Variants in FRMD4B observed in about 807,000 individuals in gnomAD.
The protein encoded by FRMD4B is FERM domain containing 4B, also known as FERM domain-containing protein 4B.
In FRMD4B, 74 loss-of-function variants were observed where a neutral mutation model predicts 141.5. The observed-to-expected ratio is 0.52, with a 90% confidence interval of 0.43 to 0.63. FRMD4B has a LOEUF of 0.63. Among genes scored for constraint, FRMD4B ranks in the 30% least tolerant of loss-of-function variants. FRMD4B has a pLI of 0.00. For synonymous variants in FRMD4B, 506 were observed against 467.9 expected (o/e 1.08, Z -1.05); for missense variants, 1,366 against 1,253.4 (o/e 1.09, Z -1.36).
intron 1 of FRMD4B, among the ~76,000 whole-genome samples, chr3:69,363,580 G>A (rs1406996298): frequency 3.3e-5 from 5 of 151,834 alleles, no homozygotes; most frequent in African/African-American, 1.2e-4. Context: ...TAGTAGAGAC[G>A]GAATTTCACC....
intron 1 of FRMD4B, chr3:69,536,415 A>G (rs2107170083): frequency 1.4e-6 from 1 of 713,970 alleles, no homozygotes; most frequent in South Asian, 1.5e-5. Context: ...GCTTCAGCAG[A>G]TACCTGAAGC....
At chr3:69,240,629 C>T (rs2093375672) in intron 7 of FRMD4B, among the ~76,000 whole-genome samples, 2 of 152,040 alleles carry the variant, frequency 1.3e-5, no homozygotes. Flanking sequence ...TATTTATGGT[C>T]AACTTGAAGC....
At chr3:69,355,745 C>T (rs1703296295) in intron 1 of FRMD4B, among the ~76,000 whole-genome samples, 1 of 152,058 alleles carries the variant, frequency 6.6e-6, no homozygotes, top group Admixed American at 6.6e-5. Flanking sequence ...AATTAGGAGG[C>T]CGGGCACAGT....
At chr3:69,217,906 G>A (rs574469830) in intron 10 of FRMD4B, among the ~76,000 whole-genome samples, 39 of 152,044 alleles carry the variant, frequency 2.6e-4, no homozygotes, top group African/African-American at 9.2e-4. Context: ...ATCTCTCCCT[G>A]CTTATAAAAC....
At chr3:69,391,163 G>A (rs1704374508) in intron 2 of FRMD4B, among the ~76,000 whole-genome samples, 1 of 151,810 alleles carries the variant, frequency 6.6e-6, no homozygotes, top group Non-Finnish European at 1.5e-5. Flanking sequence ...ATCATCCAAA[G>A]GGAGAATAAC....
intron 19 of FRMD4B, among the ~76,000 whole-genome samples, chr3:69,186,060 G>A (rs995655805): frequency 6.6e-6 from 1 of 150,862 alleles, no homozygotes; most frequent in South Asian, 2.1e-4. Flanking sequence ...AAAAAAGTAA[G>A]TGCTCAATAG....
At chr3:69,458,319 CTA>C (rs1363824132) in intron 1 of FRMD4B, among the ~76,000 whole-genome samples, 5 of 152,128 alleles carry the variant, frequency 3.3e-5, no homozygotes, top group African/African-American at 1.2e-4. Flanking sequence ...TAGACACAGT[CTA>C]TGCTCACAGA....
At chr3:69,526,545 C>T (rs1173699440) in intron 1 of FRMD4B, among the ~76,000 whole-genome samples, 2 of 152,172 alleles carry the variant, frequency 1.3e-5, no homozygotes, top group Admixed American at 1.3e-4. Flanking sequence ...GCTCTGCAGT[C>T]AGAATGACCC....
chr3:69,225,707 AAAAAAAAAAAAAAAAAAAAAAGAG>A (rs2093246989), intron 7 of FRMD4B, among the ~76,000 whole-genome samples: 1 of 39,738 alleles, frequency 2.5e-5, no homozygotes, highest in Non-Finnish European at 6.9e-5. Context: ...AAAAAAAAAA[AAAAAAAAAAAAAAAAAAAAAAGAG>A]GGAGAACACG....
At position 69,440,379 on chromosome 3, in the gene FRMD4B, T is replaced by C. The variant is rs548714773; in HGVS notation, c.-128-7618A>G. Reference sequence around the variant, plus strand: ...AGAACCATATTTGTTTAGTTCATCATTGGGCTCTCTTTTCTGTCCTATTGA... The same window carrying C: ...AGAACCATATTTGTTTAGTTCATCACTGGGCTCTCTTTTCTGTCCTATTGA... On this transcript the variant is annotated intron_variant, in intron 1 of 5. Transcript: ENST00000459638. Among the ~76,000 whole-genome samples the C allele has an allele frequency of 1.2e-4, 18 of 152,366 alleles. No homozygotes were observed. The South Asian group carries it at 2.1e-3, about 18-fold the overall frequency.
chr3:69,188,018 A>G (rs1269648086), intron 18 of FRMD4B, 101 bp from the exon 19 acceptor site: 2 of 671,106 alleles, frequency 3.0e-6, no homozygotes, highest in Admixed American at 6.0e-5. Context: ...AGGTTTAGTG[A>G]ACAAAGTGTT....
chr3:69,305,038 C>A (rs1701347938), intron 3 of FRMD4B, among the ~76,000 whole-genome samples: 1 of 152,182 alleles, frequency 6.6e-6, no homozygotes, highest in Non-Finnish European at 1.5e-5. Context: ...AGCTGGAACT[C>A]TTTATACATT....
chr3:69,320,827 C>G (rs1284505510), intron 1 of FRMD4B: 1 of 152,210 alleles, frequency 6.6e-6, no homozygotes, highest in Non-Finnish European at 1.5e-5. Flanking sequence ...GCTACCTTCT[C>G]CCCTCATGGA....
intron 1 of FRMD4B, among the ~76,000 whole-genome samples, chr3:69,463,787 G>A (rs987034985): frequency 2.6e-5 from 4 of 152,200 alleles, no homozygotes; most frequent in African/African-American, 9.7e-5. Context: ...TTTGGCTCAT[G>A]ATGCATAAAG....
intron 2 of FRMD4B, among the ~76,000 whole-genome samples, chr3:69,421,236 C>T (rs749118577): frequency 1.9e-4 from 29 of 152,254 alleles, no homozygotes; most frequent in Non-Finnish European, 4.1e-4. Flanking sequence ...CAGCCAGGCC[C>T]TTGAATTCTG....
chr3:69,201,993 C>A (rs1403588317), intron 11 of FRMD4B, among the ~76,000 whole-genome samples: 5 of 152,064 alleles, frequency 3.3e-5, no homozygotes. Flanking sequence ...CACCTGAGGT[C>A]AGGAGTTCGG....
rs544611686 is a variant in FRMD4B at position 69,283,975 on chromosome 3, C to CAA, written c.501+3775_501+3776dup. 1.5e-3 allele frequency among the ~76,000 whole-genome samples: 225 copies of CAA among 147,364 alleles called. 3 individuals carry two copies. Among genetic ancestry groups the CAA allele is most frequent in the African/African-American group, 5.0e-3 (203 of 40,320 alleles). ...ACTGAAAAAACAAAACAAAACAAAACAAAAAAAACAAAAAACAGACAAAAT... is the reference window on the plus strand; with the variant it reads ...ACTGAAAAAACAAAACAAAACAAAACAAAAAAAAAACAAAAAACAGACAAAAT... On this transcript the variant is annotated intron_variant, in intron 5 of 22. Coordinates refer to ENST00000398540, the MANE Select transcript of FRMD4B (RefSeq NM_015123.3).
intron 5 of FRMD4B, among the ~76,000 whole-genome samples, chr3:69,280,953 A>G (rs2093642026): frequency 6.6e-6 from 1 of 150,870 alleles, no homozygotes; most frequent in Non-Finnish European, 1.5e-5. Flanking sequence ...TTTGTGAGAC[A>G]GAGTTTCACT....
rs562270553 is a variant in FRMD4B at position 69,486,889 on chromosome 3, A to G, written c.-128-54128T>C. ...TCTGTGAAGATATGCAACTCTCCAG[A>G]AAGATGCTTTGAAAAGACAAAACAG... is the stretch of plus-strand genomic sequence containing the variant. On this transcript the variant is annotated intron_variant, in intron 1 of 5. Transcript: ENST00000459638. Among the ~76,000 whole-genome samples, 8 of 152,340 alleles carry G rather than the reference A, an allele frequency of 5.3e-5. 1 individual carries two copies. The South Asian group carries it at 1.7e-3, about 32-fold the overall frequency.
Sources: gnomAD v4.1 joint callset for allele counts (sites outside exome capture counted in the v4.1 genomes callset) on GRCh38, gnomAD v4.1.1 for gene constraint, MANE v1.5 for transcripts, NCBI Gene and HGNC (gene_info 2026-07-23, HGNC 2026-07-21) for gene names.